The following TENM4 variants were observed in gnomAD, a reference collection of about 807,000 sequenced individuals.
TENM4 encodes teneurin transmembrane protein 4.
A neutral mutation model predicts 243.3 loss-of-function variants in TENM4; 82 were observed. The ratio of observed to expected loss-of-function variants is 0.34; its 90% CI spans 0.28 to 0.40. The LOEUF (loss-of-function observed/expected upper bound fraction) is 0.40, where lower values mean the gene tolerates loss of function less well. Ranked by LOEUF, TENM4 falls within the 10% of genes least tolerant of loss-of-function variation. The pLI, the probability that TENM4 is intolerant of heterozygous loss-of-function variation, is 1.00. For missense variants in TENM4, 3,138 were observed against 3,673.3 expected, an observed-to-expected ratio of 0.85 and a Z score of 3.77; for synonymous variants, 1,412 against 1,456.3, an observed-to-expected ratio of 0.97 and a Z score of 0.69.
chr11:78,776,773 G>A (rs1856748707), intron 17 of TENM4, among the ~76,000 whole-genome samples: 1 of 152,054 alleles, frequency 6.6e-6, no homozygotes, highest in African/African-American at 2.4e-5. Context: ...TTTCTGAACT[G>A]AAGAGCAGAG....
intron 4 of TENM4, among the ~76,000 whole-genome samples, chr11:79,086,202 C>T (rs1489267614): frequency 1.3e-5 from 2 of 152,206 alleles, no homozygotes; most frequent in Non-Finnish European, 2.9e-5. Flanking sequence ...AACACTTGAG[C>T]CTTTGGGATT....
At chr11:79,183,732 A>G (rs1220195423) in intron 3 of TENM4, among the ~76,000 whole-genome samples, 1 of 152,216 alleles carries the variant, frequency 6.6e-6, no homozygotes, top group African/African-American at 2.4e-5. Context: ...CTTAATTTTC[A>G]AAAAGAAAGA....
intron 1 of TENM4, among the ~76,000 whole-genome samples, chr11:79,389,830 T>C (rs1228967746): frequency 6.6e-6 from 1 of 152,234 alleles, no homozygotes; most frequent in Non-Finnish European, 1.5e-5. Context: ...TACAGATTTG[T>C]GAAATGTGTT....
intron 3 of TENM4, among the ~76,000 whole-genome samples, chr11:79,181,356 A>G (rs1036391486): frequency 6.6e-6 from 1 of 152,224 alleles, no homozygotes; most frequent in African/African-American, 2.4e-5. Flanking sequence ...AATTATATCA[A>G]TAGATGCAGA....
At chr11:79,301,196 A>G (rs1856544579) in intron 1 of TENM4, among the ~76,000 whole-genome samples, 1 of 152,170 alleles carries the variant, frequency 6.6e-6, no homozygotes, top group African/African-American at 2.4e-5. Flanking sequence ...ACTTTCTGAC[A>G]CTTTCCTATT....
chr11:79,099,809 C>T (rs749498097), intron 4 of TENM4, among the ~76,000 whole-genome samples: 4 of 152,242 alleles, frequency 2.6e-5, no homozygotes, highest in Non-Finnish European at 4.4e-5. Flanking sequence ...GCTGTCACCA[C>T]GTGGCTCTTG....
chr11:79,403,642 A>T (rs1858507333), intron 1 of TENM4, among the ~76,000 whole-genome samples: 2 of 152,138 alleles, frequency 1.3e-5, no homozygotes. Context: ...CCACCCCTCG[A>T]CACTCACATT....
At chr11:79,007,334 G>A (rs997330608) in intron 6 of TENM4, among the ~76,000 whole-genome samples, 5 of 151,972 alleles carry the variant, frequency 3.3e-5, no homozygotes, top group African/African-American at 1.2e-4. Context: ...GAAGATGGGA[G>A]TTTATTATCC....
chr11:79,189,544 C>G (rs1312799948), intron 3 of TENM4, among the ~76,000 whole-genome samples: 1 of 152,180 alleles, frequency 6.6e-6, no homozygotes, highest in Admixed American at 6.5e-5. Flanking sequence ...CTTTTTTAAA[C>G]ACTCTTGTGA....
intron 1 of TENM4, among the ~76,000 whole-genome samples, chr11:79,376,852 C>T (rs1857902338): frequency 6.6e-6 from 1 of 152,214 alleles, no homozygotes; most frequent in Non-Finnish European, 1.5e-5. Flanking sequence ...TGCTTATTCT[C>T]TATGCAGCCC....
chr11:79,008,135 A>C (rs893310682), intron 6 of TENM4, among the ~76,000 whole-genome samples: 8 of 152,154 alleles, frequency 5.3e-5, no homozygotes, highest in Admixed American at 3.9e-4. Flanking sequence ...CCATTAGAGA[A>C]TGTCCCCAGG....
chr11:78,994,189 A>T (rs1297588859), intron 6 of TENM4, among the ~76,000 whole-genome samples: 1 of 152,196 alleles, frequency 6.6e-6, no homozygotes. Context: ...GGTAGTTGGA[A>T]CGGAAACATC....
chr11:78,983,444 G>A (rs564140704), intron 6 of TENM4, among the ~76,000 whole-genome samples: 40 of 152,238 alleles, frequency 2.6e-4, no homozygotes, highest in Admixed American at 5.2e-4. Flanking sequence ...CTGTGCCCTA[G>A]TCTGTGCTTT....
In TENM4 at chr11:78,889,673, T is replaced by C. The variant is rs1441896243; in HGVS notation, c.1084+112A>G. The C allele has an allele frequency of 4.2e-6, 5 of 1,200,100 alleles. No individual in the cohort carries two copies. In the East Asian group the frequency reaches 1.0e-4, roughly 25 times the overall value. The allele number at this position is 1,200,100 out of a possible 1,614,324, so 74.3% of individuals were successfully genotyped here. On this transcript the variant is annotated intron_variant, in intron 9 of 33. Coordinates refer to ENST00000278550, the MANE Select transcript of TENM4 (RefSeq NM_001098816.3). The stretch of plus-strand genomic sequence containing the variant: ...AACTCCAGGGCTGCCTGGCTCACAC[T>C]GCGTGCTTTGCCTGCCATGCTAGTA...
chr11:79,153,644 C>T lies in TENM4; in HGVS notation c.-162-4838G>A, dbSNP rs555218507. On this transcript the variant is annotated intron_variant, in intron 3 of 33. Transcript: ENST00000278550. ...TGGGAAACCGAAGCAGTGGTTCTTG[C>T]GGCTGAAAGAAGGGGAAGGGTAGTT... 5.9e-5 allele frequency among the ~76,000 whole-genome samples: 9 copies of T among 152,242 alleles called. No individual in the cohort carries two copies. The East Asian group carries it at 7.7e-4, about 13-fold the overall frequency.
At chr11:79,416,115 C>A (rs1280864076) in intron 1 of TENM4, among the ~76,000 whole-genome samples, 1 of 152,170 alleles carries the variant, frequency 6.6e-6, no homozygotes, top group East Asian at 1.9e-4. Flanking sequence ...TATGGATATA[C>A]CACAATGTGT....
chr11:79,369,791 T>C (rs1045376920), intron 1 of TENM4, among the ~76,000 whole-genome samples: 1 of 152,132 alleles, frequency 6.6e-6, no homozygotes, highest in Admixed American at 6.5e-5. Flanking sequence ...TGGGTCAAAT[T>C]CCCCCAAGAT....
chr11:78,789,936 GC>G (rs148258056), intron 15 of TENM4, among the ~76,000 whole-genome samples: 2,731 of 152,322 alleles, frequency 0.018, 35 homozygotes, highest in Middle Eastern at 0.034. Context: ...ATAGCTGTAA[GC>G]TTCCTTTTCT....
intron 14 of TENM4, 39 bp downstream of exon 14, chr11:78,812,083 T>C (rs1003680059): frequency 1.3e-6 from 2 of 1,538,034 alleles, no homozygotes; most frequent in African/African-American, 2.7e-5. Flanking sequence ...AGCCTCTATC[T>C]CAGAGGAAGG....
Sources: allele counts gnomAD v4.1 joint callset (sites outside exome capture counted in the v4.1 genomes callset), GRCh38; gene constraint gnomAD v4.1.1; transcripts MANE v1.5; gene names NCBI Gene and HGNC (gene_info 2026-07-23, HGNC 2026-07-21).